The following ADRA1B variants were observed in gnomAD, a reference collection of about 807,000 sequenced individuals.
The protein encoded by ADRA1B is adrenoceptor alpha 1B.
In ADRA1B, 17 loss-of-function variants were observed where a neutral mutation model predicts 17.9. That is an observed-to-expected ratio of 0.95 (90% confidence interval 0.65 to 1.42). The LOEUF (loss-of-function observed/expected upper bound fraction) is 1.42, where lower values mean the gene tolerates loss of function less well. Among genes scored for constraint, ADRA1B ranks in the 40% most tolerant of loss-of-function variants. ADRA1B has a pLI of 0.00. For synonymous variants in ADRA1B, 366 were observed against 327.6 expected, an observed-to-expected ratio of 1.12 and a Z score of -1.27; for missense variants, 681 against 722.1, an observed-to-expected ratio of 0.94 and a Z score of 0.65.
upstream of ADRA1B, among the ~76,000 whole-genome samples, chr5:159,912,646 A>G (rs1754240280): frequency 1.3e-5 from 2 of 152,214 alleles, no homozygotes; most frequent in South Asian, 4.1e-4. Context: ...CAAGCTTTGG[A>G]GCCAGACAAC....
intron 1 of ADRA1B, among the ~76,000 whole-genome samples, chr5:159,922,042 T>C (rs1380553415): frequency 6.6e-6 from 1 of 152,252 alleles, no homozygotes; most frequent in Non-Finnish European, 1.5e-5. Context: ...TTTGACCATG[T>C]ATTAAATCAC....
chr5:159,910,828 G>A (rs1754219678), intron 1 of ADRA1B, among the ~76,000 whole-genome samples: 1 of 152,190 alleles, frequency 6.6e-6, no homozygotes, highest in Non-Finnish European at 1.5e-5. Context: ...AGCCCAGAGG[G>A]ACCAAGGCCC....
At chr5:159,955,983 G>C (rs1034859570) in intron 1 of ADRA1B, among the ~76,000 whole-genome samples, 1 of 152,042 alleles carries the variant, frequency 6.6e-6, no homozygotes, top group Non-Finnish European at 1.5e-5. Context: ...TGGCTCCTGC[G>C]TGTAATCCCA....
chr5:159,958,203 T>G (rs974638558), intron 1 of ADRA1B, among the ~76,000 whole-genome samples: 2 of 152,152 alleles, frequency 1.3e-5, no homozygotes, highest in Non-Finnish European at 2.9e-5. Flanking sequence ...ATATTTAAGA[T>G]ATTGGATCTG....
intron 1 of ADRA1B, among the ~76,000 whole-genome samples, chr5:159,924,630 G>C (rs1221905004): frequency 2.6e-5 from 4 of 152,166 alleles, no homozygotes; most frequent in African/African-American, 9.7e-5. Flanking sequence ...GCCAGTCGTG[G>C]TGGCACCCAC....
chr5:159,895,536 G>A (rs1754032525), intron 1 of ADRA1B, among the ~76,000 whole-genome samples: 1 of 152,166 alleles, frequency 6.6e-6, no homozygotes, highest in African/African-American at 2.4e-5. Flanking sequence ...ACAAGCTTGT[G>A]CTCAGTATTT....
At chr5:159,868,353 G>C (rs900985104) in intron 1 of ADRA1B, 1 of 152,198 alleles carries the variant, frequency 6.6e-6, no homozygotes, top group Non-Finnish European at 1.5e-5. Flanking sequence ...AAATATGGGA[G>C]GGAAGGATTC....
intron 1 of ADRA1B, among the ~76,000 whole-genome samples, chr5:159,971,357 C>A (rs1475964370): frequency 6.6e-6 from 1 of 152,136 alleles, no homozygotes; most frequent in African/African-American, 2.4e-5. Context: ...TTTTTCTTCA[C>A]CCCTAGATCA....
Position 159,951,109 on chromosome 5 carries a change from G to A in ADRA1B, c.950-20770G>A. ...ACTTCTTGTGGTTCATGCCCATCACGAACATGGGGGCATCAGCAGAGGGGG... is the reference window on the plus strand; with the variant it reads ...ACTTCTTGTGGTTCATGCCCATCACAAACATGGGGGCATCAGCAGAGGGGG... On this transcript the variant is annotated intron_variant, in intron 1 of 1. Transcript: ENST00000306675. 5 of 741,394 alleles carry A rather than the reference G, an allele frequency of 6.7e-6. 1 individual carries two copies. The highest frequency in any genetic ancestry group is 5.4e-5 in the South Asian group (4 of 74,152). The allele number at this position is 741,394 out of a possible 1,614,324, so 45.9% of individuals were successfully genotyped here.
chr5:159,865,210 A>C (rs1239806934), intron 1 of ADRA1B: 2 of 152,196 alleles, frequency 1.3e-5, no homozygotes, highest in Non-Finnish European at 2.9e-5. Context: ...ACTTTTGGTG[A>C]GTCGAAAACT....
At chr5:159,893,941 G>T (rs1754013204) in intron 1 of ADRA1B, among the ~76,000 whole-genome samples, 1 of 152,224 alleles carries the variant, frequency 6.6e-6, no homozygotes, top group Non-Finnish European at 1.5e-5. Flanking sequence ...TCTCTGCATA[G>T]TGTGTCCAGT....
At chr5:159,934,817 C>CAA (rs111598190) in intron 1 of ADRA1B, among the ~76,000 whole-genome samples, 11 of 116,922 alleles carry the variant, frequency 9.4e-5, no homozygotes, top group Non-Finnish European at 1.1e-4. Flanking sequence ...GACTCCATCT[C>CAA]AAAAAAAAAA....
chr5:159,971,402 T>C (rs1755862852), intron 1 of ADRA1B, among the ~76,000 whole-genome samples: 1 of 152,240 alleles, frequency 6.6e-6, no homozygotes, highest in African/African-American at 2.4e-5. Context: ...TCTTTTACCT[T>C]TAAAACGTTA....
intron 1 of ADRA1B, among the ~76,000 whole-genome samples, chr5:159,969,953 T>G (rs1394460091): frequency 6.6e-6 from 1 of 152,222 alleles, no homozygotes; most frequent in Non-Finnish European, 1.5e-5. Flanking sequence ...AAACACATTT[T>G]TATTCAAATA....
At chr5:159,980,070 A>C in the ADRA1B span, among the ~76,000 whole-genome samples, 3 of 151,946 alleles carry the variant, frequency 2.0e-5, no homozygotes, top group Admixed American at 6.6e-5. Context: ...GTCGTGTTTC[A>C]TGGGGTCCAC....
intron 1 of ADRA1B, among the ~76,000 whole-genome samples, chr5:159,939,852 G>C (rs539626001): frequency 6.6e-6 from 1 of 152,272 alleles, no homozygotes; most frequent in East Asian, 1.9e-4. Context: ...CCTGTGCACT[G>C]TGAGTTCCTC....
At chr5:159,962,601 G>A (rs575286713) in intron 1 of ADRA1B, among the ~76,000 whole-genome samples, 2 of 151,974 alleles carry the variant, frequency 1.3e-5, no homozygotes, top group African/African-American at 4.8e-5. Flanking sequence ...AATGAAACAG[G>A]AGCTAAAAAA....
At chr5:159,896,458 A>T (rs1754041576) in intron 1 of ADRA1B, among the ~76,000 whole-genome samples, 1 of 152,230 alleles carries the variant, frequency 6.6e-6, no homozygotes, top group Admixed American at 6.5e-5. Flanking sequence ...CTGATGGCAC[A>T]ACTAATTTTA....
intron 1 of ADRA1B, among the ~76,000 whole-genome samples, chr5:159,923,665 T>C (rs1754554837): frequency 6.6e-6 from 1 of 152,254 alleles, no homozygotes; most frequent in Admixed American, 6.5e-5. Flanking sequence ...GTAGACAGAA[T>C]GTCCAACCCA....
Sources: allele counts gnomAD v4.1 joint callset (sites outside exome capture counted in the v4.1 genomes callset), GRCh38; gene constraint gnomAD v4.1.1; transcripts MANE v1.5; gene names NCBI Gene and HGNC (gene_info 2026-07-23, HGNC 2026-07-21).